The following FAM135B variants were observed in gnomAD, a reference collection of about 807,000 sequenced individuals.
FAM135B encodes family with sequence similarity 135 member B, also known as protein FAM135B.
In FAM135B, 43 loss-of-function variants were observed where a neutral mutation model predicts 127.7. The ratio of observed to expected loss-of-function variants is 0.34; its 90% confidence interval spans 0.26 to 0.43. The LOEUF is 0.43. Among genes scored for constraint, FAM135B ranks in the 20% least tolerant of loss-of-function variants. The pLI, the probability that FAM135B is intolerant of heterozygous loss-of-function variation, is 1.00. For synonymous variants in FAM135B, 670 were observed against 665.1 expected, an observed-to-expected ratio of 1.01 and a Z score of -0.11; for missense variants, 1,558 against 1,725.6, an observed-to-expected ratio of 0.90 and a Z score of 1.72.
chr8:138,414,425 C>T (rs1215749753), intron 1 of FAM135B, among the ~76,000 whole-genome samples: 1 of 152,054 alleles, frequency 6.6e-6, no homozygotes. Flanking sequence ...CCTGTTCTAC[C>T]TATAATCTAG....
intron 1 of FAM135B, among the ~76,000 whole-genome samples, chr8:138,483,356 C>T (rs1301965013): frequency 6.6e-6 from 1 of 152,206 alleles, no homozygotes; most frequent in Admixed American, 6.5e-5. Flanking sequence ...AGGCTTTGAG[C>T]GACGTGTTAC....
intron 7 of FAM135B, among the ~76,000 whole-genome samples, chr8:138,209,120 G>GT (rs936132095): frequency 1.1e-4 from 17 of 152,040 alleles, no homozygotes; most frequent in Admixed American, 9.2e-4. Context: ...TAATTGCTGG[G>GT]TTTTTTTGGT....
rs746501439 is a variant in FAM135B, at chr8:138,148,479, A to T, written c.3448+41T>A. The T allele has an allele frequency of 1.1e-5, 17 of 1,528,008 alleles. No individual in the cohort carries two copies. The East Asian group carries it at 3.6e-4, about 32-fold the overall frequency. The allele number at this position is 1,528,008 out of a possible 1,614,324, so 94.7% of individuals were successfully genotyped here. A position where few individuals can be genotyped will look rare whatever the true frequency, so the allele number is the denominator to read the frequency against. ...AATACATAAATATTATAAGTTGTAT[A>T]TATGACAGAATTTGGGAAGAAAACT... is the stretch of plus-strand genomic sequence containing the variant. On this transcript the variant is annotated intron_variant, in intron 14 of 19. Transcript: ENST00000395297.
chr8:138,448,464 A>C (rs1227543354), intron 1 of FAM135B, among the ~76,000 whole-genome samples: 1 of 152,168 alleles, frequency 6.6e-6, no homozygotes, highest in African/African-American at 2.4e-5. Context: ...TTAGATCATA[A>C]GAGTGGACAT....
chr8:138,353,792 T>C (rs1413744253), intron 2 of FAM135B, among the ~76,000 whole-genome samples: 1 of 44,670 alleles, frequency 2.2e-5, no homozygotes, highest in African/African-American at 4.5e-5. Context: ...CCTGTGCTAG[T>C]GTTGTATAGT....
chr8:138,356,490 T>C (rs1485660395), intron 2 of FAM135B, among the ~76,000 whole-genome samples: 1 of 152,160 alleles, frequency 6.6e-6, no homozygotes. Flanking sequence ...AGGTTATTTG[T>C]AATAACACAG....
intron 1 of FAM135B, among the ~76,000 whole-genome samples, chr8:138,449,161 G>C (rs1564011678): frequency 6.6e-6 from 1 of 152,264 alleles, no homozygotes; most frequent in Non-Finnish European, 1.5e-5. Flanking sequence ...GGATGAAAAA[G>C]AACTTACAAA....
intron 7 of FAM135B, among the ~76,000 whole-genome samples, chr8:138,210,708 T>C (rs997009554): frequency 6.6e-6 from 1 of 152,054 alleles, no homozygotes; most frequent in Non-Finnish European, 1.5e-5. Flanking sequence ...CCCCCTAACA[T>C]TGGGAATTAT....
intron 3 of FAM135B, among the ~76,000 whole-genome samples, chr8:138,267,784 G>A (rs931173556): frequency 2.0e-5 from 3 of 152,198 alleles, no homozygotes; most frequent in Non-Finnish European, 4.4e-5. Flanking sequence ...CTACTCAGAT[G>A]TGCCTGCTCT....
intron 3 of FAM135B, among the ~76,000 whole-genome samples, chr8:138,303,825 T>G (rs1354626397): frequency 6.6e-6 from 1 of 152,184 alleles, no homozygotes; most frequent in African/African-American, 2.4e-5. Context: ...GCACTGATCC[T>G]TCAAACATTT....
At chr8:138,134,758 A>G (rs942421278) in intron 19 of FAM135B, among the ~76,000 whole-genome samples, 1 of 152,212 alleles carries the variant, frequency 6.6e-6, no homozygotes, top group East Asian at 1.9e-4. Context: ...TAATTCACCA[A>G]TTAAGCCACA....
At chr8:138,447,655 G>A (rs1246653336) in intron 1 of FAM135B, among the ~76,000 whole-genome samples, 1 of 151,724 alleles carries the variant, frequency 6.6e-6, no homozygotes, top group Non-Finnish European at 1.5e-5. Flanking sequence ...GGCCTGTTGT[G>A]GGGTGGGGAT....
chr8:138,310,550 C>T (rs958223868), intron 3 of FAM135B, among the ~76,000 whole-genome samples: 1 of 152,186 alleles, frequency 6.6e-6, no homozygotes, highest in Non-Finnish European at 1.5e-5. Flanking sequence ...TCATTTCCTA[C>T]CAGCGTCCTC....
At chr8:138,372,674 C>T (rs1831212319) in intron 1 of FAM135B, among the ~76,000 whole-genome samples, 1 of 152,168 alleles carries the variant, frequency 6.6e-6, no homozygotes, top group African/African-American at 2.4e-5. Context: ...TAGAGACTGG[C>T]ATGTAATAAC....
At chr8:138,220,044 G>A (rs1818901800) in intron 7 of FAM135B, among the ~76,000 whole-genome samples, 1 of 128,502 alleles carries the variant, frequency 7.8e-6, no homozygotes, top group South Asian at 2.6e-4. Flanking sequence ...TACACAAATA[G>A]GGTGATTTGC....
At chr8:138,199,483 G>A (rs1028644086) in intron 7 of FAM135B, among the ~76,000 whole-genome samples, 5 of 152,158 alleles carry the variant, frequency 3.3e-5, no homozygotes, top group African/African-American at 1.2e-4. Flanking sequence ...GATGCCATGG[G>A]GAGTGCTGGG....
intron 2 of FAM135B, among the ~76,000 whole-genome samples, chr8:138,340,318 C>T (rs1014421364): frequency 1.5e-4 from 23 of 152,114 alleles, no homozygotes; most frequent in African/African-American, 3.6e-4. Context: ...GAACAGGAAA[C>T]GATCAGGGAG....
intron 3 of FAM135B, among the ~76,000 whole-genome samples, chr8:138,285,301 C>T (rs1030831151): frequency 6.6e-6 from 1 of 151,976 alleles, no homozygotes; most frequent in Non-Finnish European, 1.5e-5. Context: ...CACCCATCAA[C>T]ATGCCCGGCT....
chr8:138,160,858 C>A lies in FAM135B; in HGVS notation c.1258+7037G>T, dbSNP rs118191159. ...AACTTATCAAAGTATGTGTAATAATCCCCATTTGTAAATATCAAAGCATTT... is the reference window on the plus strand; with the variant it reads ...AACTTATCAAAGTATGTGTAATAATACCCATTTGTAAATATCAAAGCATTT... On this transcript the variant is annotated intron_variant, in intron 12 of 19. Transcript: ENST00000395297. 7.2e-3 allele frequency among the ~76,000 whole-genome samples: 1,099 copies of A among 152,172 alleles called. 6 individuals are homozygous for A. Among genetic ancestry groups the A allele is most frequent in the Non-Finnish European group, 0.011 (736 of 68,004 alleles).
Sources: gnomAD v4.1 joint callset for allele counts (sites outside exome capture counted in the v4.1 genomes callset) on GRCh38, gnomAD v4.1.1 for gene constraint, MANE v1.5 for transcripts, NCBI Gene and HGNC (gene_info 2026-07-23, HGNC 2026-07-21) for gene names.